Variants in XPO7 observed in about 807,000 individuals in gnomAD.
XPO7 encodes exportin 7, also known as exportin-7.
A neutral mutation model predicts 144.3 loss-of-function variants in XPO7; 21 were observed. That is an observed-to-expected ratio of 0.15 (90% CI 0.10 to 0.21). The LOEUF is 0.21. Among genes scored for constraint, XPO7 ranks in the 10% least tolerant of loss-of-function variants. The pLI is 1.00. For missense variants in XPO7, 808 were observed against 1,325.8 expected (o/e 0.61, Z 6.06); for synonymous variants, 580 against 499.6 (o/e 1.16, Z -2.15).
chr8:21,953,412 T>C (rs1003202697), intron 1 of XPO7, among the ~76,000 whole-genome samples: 1 of 152,226 alleles, frequency 6.6e-6, no homozygotes, highest in African/African-American at 2.4e-5. Context: ...CTTAGCAGTA[T>C]GCATTTAAGT....
intron 1 of XPO7, among the ~76,000 whole-genome samples, chr8:21,960,360 T>TA (rs1478670230): frequency 2.0e-5 from 3 of 152,228 alleles, no homozygotes; most frequent in African/African-American, 7.2e-5. Flanking sequence ...TCTGCACCGT[T>TA]AGAGACTATG....
intron 1 of XPO7, among the ~76,000 whole-genome samples, chr8:21,953,261 C>G (rs973443290): frequency 6.6e-6 from 1 of 152,162 alleles, no homozygotes; most frequent in Non-Finnish European, 1.5e-5. Flanking sequence ...CTCCCTGCCT[C>G]TGTCACCATC....
intron 1 of XPO7, among the ~76,000 whole-genome samples, chr8:21,939,190 A>C (rs1416031014): frequency 6.6e-6 from 1 of 151,526 alleles, no homozygotes; most frequent in Non-Finnish European, 1.5e-5. Flanking sequence ...CATTGTTTTC[A>C]AGCAATAATT....
At chr8:21,948,589 A>G (rs1338003719) in intron 1 of XPO7, among the ~76,000 whole-genome samples, 1 of 152,224 alleles carries the variant, frequency 6.6e-6, no homozygotes, top group Non-Finnish European at 1.5e-5. Flanking sequence ...TTTATATACT[A>G]GATTGACTCA....
chr8:21,983,275 T>A (rs1812465285), intron 11 of XPO7, among the ~76,000 whole-genome samples: 1 of 152,244 alleles, frequency 6.6e-6, no homozygotes, highest in Admixed American at 6.5e-5. Flanking sequence ...CACTGATTGC[T>A]TTACATTCAT....
rs1415593500 is a variant in XPO7, at chr8:21,969,591, T to C, written c.259+15T>C. ...AATAGATATTCGTAAGTGGAGAATT[T>C]TCTGTTCTGTCTTGAAGAAAATAGT... On this transcript the variant is annotated intron_variant, in intron 3 of 27. Transcript: ENST00000252512. 6.2e-7 allele frequency: 1 copy of C among 1,605,308 alleles called. No homozygotes were observed. The highest frequency in any genetic ancestry group is 8.5e-7 in the Non-Finnish European group (1 of 1,172,782).
intron 21 of XPO7, among the ~76,000 whole-genome samples, chr8:21,997,218 G>T (rs770330451): frequency 9.9e-5 from 15 of 152,156 alleles, no homozygotes; most frequent in Admixed American, 7.2e-4. Context: ...AGATACTTGA[G>T]AGCACTTACT....
intron 1 of XPO7, among the ~76,000 whole-genome samples, chr8:21,946,547 C>T (rs1365382371): frequency 2.3e-5 from 3 of 129,346 alleles, no homozygotes; most frequent in Non-Finnish European, 4.8e-5. Context: ...ACTAGAAAGA[C>T]ACTAGAGGAG....
chr8:21,966,025 T>G (rs1283869708), intron 1 of XPO7, among the ~76,000 whole-genome samples: 1 of 152,222 alleles, frequency 6.6e-6, no homozygotes, highest in Non-Finnish European at 1.5e-5. Flanking sequence ...AATTAGTTAC[T>G]TTCCTCTTTG....
At chr8:21,960,366 CTA>C (rs1432664585) in intron 1 of XPO7, among the ~76,000 whole-genome samples, 1 of 152,186 alleles carries the variant, frequency 6.6e-6, no homozygotes, top group East Asian at 1.9e-4. Context: ...CCGTTAGAGA[CTA>C]TGAGAAGGAA....
At chr8:21,960,146 G>C (rs747387417) in intron 1 of XPO7, among the ~76,000 whole-genome samples, 6 of 152,202 alleles carry the variant, frequency 3.9e-5, no homozygotes, top group Non-Finnish European at 8.8e-5. Context: ...CACTCCCTCT[G>C]TGACCCTTTG....
chr8:21,962,921 G>T (rs1811770704), intron 1 of XPO7, among the ~76,000 whole-genome samples: 1 of 151,890 alleles, frequency 6.6e-6, no homozygotes, highest in Non-Finnish European at 1.5e-5. Context: ...AACCTTCTAG[G>T]TCCTTAAAAT....
In XPO7 at chr8:21,989,080, T is replaced by C; in HGVS notation, c.1865T>C (p.Ile622Thr). ...KTLQLLNDLS[I>T]GYSSVRKLVK... The stretch of plus-strand genomic sequence containing the variant: ...CTACAGCTTCTCAATGACCTGTCCA[T>C]TGGATATCCTTTTCTAAGCTAACTT... Residue 622 changes from isoleucine to threonine, a missense_variant, in exon 16 of 28, where the codon ATT becomes ACT. Physicochemically the swap from Ile to Thr is moderately conservative, Grantham distance 89 (BLOSUM62 -1). Coordinates refer to ENST00000252512, the MANE Select transcript of XPO7 (RefSeq NM_015024.5). 1 of 1,613,286 alleles carries C rather than the reference T, an allele frequency of 6.2e-7. No homozygotes were observed. The highest frequency in any genetic ancestry group is 8.5e-7 in the Non-Finnish European group (1 of 1,179,518).
chr8:21,970,385 C>T (rs1812017376), intron 4 of XPO7, 75 bp downstream of exon 4: 2 of 1,361,812 alleles, frequency 1.5e-6, no homozygotes, highest in South Asian at 1.4e-5. Flanking sequence ...CACACACACA[C>T]ACACACAACT....
In XPO7 at chr8:22,006,219, TA is replaced by T. The variant is rs561879011; in HGVS notation, c.*1137del. The stretch of plus-strand genomic sequence containing the variant: ...AAGTATTTAACATTCTCCCATCCCT[TA>T]AAAAATATACATTTTTATAAAATGA... On this transcript the variant is annotated 3_prime_UTR_variant, in exon 28 of 28. Coordinates refer to ENST00000252512, the MANE Select transcript of XPO7 (RefSeq NM_015024.5). 6.6e-6 allele frequency: 1 copy of T among 152,168 alleles called. No homozygotes were observed. The highest frequency in any genetic ancestry group is 2.1e-4 in the South Asian group (1 of 4,828). 9.4% of individuals were successfully genotyped at this position (152,168 alleles called of 1,614,324 possible).
At chr8:21,923,439 G>C (rs904905352) in intron 1 of XPO7, among the ~76,000 whole-genome samples, 6 of 152,092 alleles carry the variant, frequency 3.9e-5, no homozygotes, top group African/African-American at 1.4e-4. Context: ...CAAATAATAT[G>C]TGTGTATTTT....
intron 1 of XPO7, among the ~76,000 whole-genome samples, chr8:21,954,203 G>C (rs1457753324): frequency 6.6e-6 from 1 of 152,180 alleles, no homozygotes; most frequent in Non-Finnish European, 1.5e-5. Flanking sequence ...TGGTGATTGT[G>C]TGTTTTTGAT....
At chr8:21,934,370 C>A (rs1219996330) in intron 1 of XPO7, among the ~76,000 whole-genome samples, 1 of 151,922 alleles carries the variant, frequency 6.6e-6, no homozygotes, top group African/African-American at 2.4e-5. Flanking sequence ...CCTGTCTCTA[C>A]TAAAAATACA....
intron 1 of XPO7, chr8:21,964,258 C>T (rs1357247919): frequency 6.6e-6 from 1 of 152,090 alleles, no homozygotes; most frequent in African/African-American, 2.4e-5. Context: ...GAATAGATAT[C>T]CTTAATAAGA....
Sources: allele counts gnomAD v4.1 joint callset (sites outside exome capture counted in the v4.1 genomes callset), GRCh38; gene constraint gnomAD v4.1.1; transcripts MANE v1.5; gene names NCBI Gene and HGNC (gene_info 2026-07-23, HGNC 2026-07-21).